ATP2C2: variants seen among roughly 807,000 people sequenced by gnomAD.
ATP2C2 encodes calcium-transporting ATPase type 2C member 2.
ATP2C2 carries 171 observed loss-of-function variants against 110.8 expected under a neutral mutation model. The observed-to-expected ratio is 1.54, with a 90% CI of 1.36 to 1.75. ATP2C2 has a LOEUF of 1.75. Among genes scored for constraint, ATP2C2 ranks in the 40% most tolerant of loss-of-function variants. The pLI is 0.00. For missense variants in ATP2C2, 1,963 were observed against 1,235.0 expected (o/e 1.59, Z -8.84); for synonymous variants, 804 against 508.4 (o/e 1.58, Z -7.82).
intron 14 of ATP2C2, among the ~76,000 whole-genome samples, chr16:84,441,845 C>T (rs749793772): frequency 6.6e-6 from 1 of 151,956 alleles, no homozygotes; most frequent in Non-Finnish European, 1.5e-5. Context: ...TTGCCTTGAA[C>T]CAGGGAGGCA....
intron 11 of ATP2C2, among the ~76,000 whole-genome samples, chr16:84,436,454 C>T (rs947893624): frequency 2.6e-5 from 4 of 152,156 alleles, no homozygotes; most frequent in African/African-American, 9.7e-5. Flanking sequence ...CGAGGGGCTT[C>T]TGCAGGGTCC....
intron 1 of ATP2C2, among the ~76,000 whole-genome samples, chr16:84,387,808 T>G (rs940631940): frequency 6.6e-6 from 1 of 152,030 alleles, no homozygotes; most frequent in Non-Finnish European, 1.5e-5. Flanking sequence ...CCTGGGGGAC[T>G]GGGTGTGGTG....
At chr16:84,401,636 C>G (rs1006627874) in intron 2 of ATP2C2, among the ~76,000 whole-genome samples, 1 of 152,154 alleles carries the variant, frequency 6.6e-6, no homozygotes, top group Non-Finnish European at 1.5e-5. Flanking sequence ...AACGAGTTCA[C>G]TGTAGATGTA....
chr16:84,430,709 G>T (rs187646523), intron 11 of ATP2C2, among the ~76,000 whole-genome samples: 1 of 151,484 alleles, frequency 6.6e-6, no homozygotes, highest in Admixed American at 6.6e-5. Context: ...AGGGTCTTTT[G>T]GTGCTGGAGA....
chr16:84,385,860 G>C (rs1567687447), intron 1 of ATP2C2, among the ~76,000 whole-genome samples: 1 of 152,186 alleles, frequency 6.6e-6, no homozygotes, highest in Non-Finnish European at 1.5e-5. Context: ...CAACATGCGG[G>C]GATTACACTT....
rs1910335610 is a variant in ATP2C2, at chr16:84,452,096, C to T, written c.1831+5C>T. 1.9e-6 allele frequency: 3 copies of T among 1,613,852 alleles called. No individual in the cohort carries two copies. The highest frequency in any genetic ancestry group is 2.2e-5 in the East Asian group (1 of 44,886). On this transcript the variant is annotated splice_donor_5th_base_variant and intron_variant, in intron 18 of 26. Coordinates refer to ENST00000262429, the MANE Select transcript of ATP2C2 (RefSeq NM_014861.4). ...TGGAGACGGCCTTGGCCATAGGTAA[C>T]TGGGACAGGGTCGGGGGTGAGGACG...
At chr16:84,439,856 GAC>G (rs1483683423) in intron 13 of ATP2C2, among the ~76,000 whole-genome samples, 3 of 152,176 alleles carry the variant, frequency 2.0e-5, no homozygotes, top group Non-Finnish European at 2.9e-5. Context: ...GTTTGTGAGA[GAC>G]AGAGTCTTGC....
intron 20 of ATP2C2, among the ~76,000 whole-genome samples, 175 bp downstream of exon 20, chr16:84,453,546 G>A (rs1206584960): frequency 2.0e-5 from 3 of 152,120 alleles, no homozygotes; most frequent in African/African-American, 7.2e-5. Context: ...GGGAGGGGAG[G>A]AGGTTGAGCA....
Position 84,462,035 on chromosome 16 carries a change from C to G in ATP2C2, c.2628C>G (p.Leu876=), listed in dbSNP as rs763922209. ...EIGFLRNHMF[L]YSVLGSILGQ... is the part of the protein sequence containing the mutation. ...GCTTTCTCAGGAACCACATGTTCCT[C>G]TACTCCGTCCTGGGGTCCATCCTGG... The change falls in exon 26 of 27, where the codon CTC becomes CTG. Residue 876 remains leucine, a synonymous_variant. Coordinates refer to ENST00000262429, the MANE Select transcript of ATP2C2 (RefSeq NM_014861.4). The G allele has an allele frequency of 6.2e-6, 10 of 1,613,990 alleles. No individual in the cohort carries two copies. Among genetic ancestry groups the G allele is most frequent in the South Asian group, 1.1e-5 (1 of 91,092 alleles).
chr16:84,441,057 T>G, intron 14 of ATP2C2, 99 bp downstream of exon 14: 1 of 1,028,874 alleles, frequency 9.7e-7, no homozygotes, highest in East Asian at 2.5e-5. Context: ...TACTGGTTCT[T>G]GACAATGACT....
At chr16:84,402,764 G>A (rs1235796037) in intron 2 of ATP2C2, among the ~76,000 whole-genome samples, 1 of 152,070 alleles carries the variant, frequency 6.6e-6, no homozygotes, top group East Asian at 1.9e-4. Flanking sequence ...TTTTTTAAAT[G>A]TGTCTTTGTC....
At chr16:84,376,787 C>T (rs1048584869) in intron 1 of ATP2C2, among the ~76,000 whole-genome samples, 7 of 152,194 alleles carry the variant, frequency 4.6e-5, no homozygotes, top group Admixed American at 2.6e-4. Flanking sequence ...CCAATGATTA[C>T]GCATTCCAAG....
At chr16:84,455,108 C>G in intron 21 of ATP2C2, 124 bp downstream of exon 21, 10 of 1,279,590 alleles carry the variant, frequency 7.8e-6, no homozygotes, top group Non-Finnish European at 1.1e-5. Context: ...AGAGCTGAAT[C>G]TCGGGGCTCG....
At chr16:84,374,616 G>A (rs1597725171) in intron 1 of ATP2C2, among the ~76,000 whole-genome samples, 1 of 152,126 alleles carries the variant, frequency 6.6e-6, no homozygotes, top group South Asian at 2.1e-4. Flanking sequence ...AACTTCCAGT[G>A]TGTTAAATGG....
At chr16:84,460,323 AG>A (rs1272892044) in intron 23 of ATP2C2, 3 of 378,292 alleles carry the variant, frequency 7.9e-6, no homozygotes, top group Admixed American at 8.0e-5. Context: ...CGGAGCCTGG[AG>A]CCTGTTTCTC....
intron 11 of ATP2C2, among the ~76,000 whole-genome samples, chr16:84,431,698 G>A (rs1908296137): frequency 6.6e-6 from 1 of 152,084 alleles, no homozygotes; most frequent in South Asian, 2.1e-4. Flanking sequence ...AGAATGAGAT[G>A]ATGGAGTTGC....
chr16:84,421,932 A>G (rs1383132985), intron 7 of ATP2C2, among the ~76,000 whole-genome samples: 1 of 151,882 alleles, frequency 6.6e-6, no homozygotes, highest in African/African-American at 2.4e-5. Context: ...AGGGTGTGTG[A>G]GTGTCTCTGT....
intron 15 of ATP2C2, among the ~76,000 whole-genome samples, chr16:84,445,014 A>G (rs1210539122): frequency 6.6e-6 from 1 of 152,144 alleles, no homozygotes. Context: ...ACCAAAACAC[A>G]CTGAAACACA....
Position 84,463,760 on chromosome 16 carries a change from AATC to A in ATP2C2, c.*32_*34del. ...GACCGCACTCCGCGGCACCTTCCCT[AATC>A]ATCTCGATCTGGTTGTGACTGTGGC... is the stretch of plus-strand genomic sequence containing the variant. On this transcript the variant is annotated 3_prime_UTR_variant, in exon 27 of 27. Coordinates refer to ENST00000262429, the MANE Select transcript of ATP2C2 (RefSeq NM_014861.4). The A allele has an allele frequency of 6.4e-7, 1 of 1,567,522 alleles. No individual in the cohort carries two copies. The highest frequency in any genetic ancestry group is 8.8e-7 in the Non-Finnish European group (1 of 1,137,788).
Sources: allele counts gnomAD v4.1 joint callset (sites outside exome capture counted in the v4.1 genomes callset), GRCh38; gene constraint gnomAD v4.1.1; transcripts MANE v1.5; gene names NCBI Gene and HGNC (gene_info 2026-07-23, HGNC 2026-07-21).